KIR2DL1: variants seen among roughly 807,000 people sequenced by gnomAD.
The protein encoded by KIR2DL1 is killer cell immunoglobulin like receptor, two Ig domains and long cytoplasmic tail 1.
KIR2DL1 carries 38 observed loss-of-function variants against 33.9 expected under a neutral mutation model. The ratio of observed to expected loss-of-function variants is 1.12; its 90% CI spans 0.86 to 1.47. KIR2DL1 has a LOEUF of 1.47. Among genes scored for constraint, KIR2DL1 ranks in the 40% most tolerant of loss-of-function variants. KIR2DL1 has a pLI of 0.00. For missense variants in KIR2DL1, 531 were observed against 433.9 expected (o/e 1.22, Z -1.99); for synonymous variants, 179 against 165.9 (o/e 1.08, Z -0.61).
intron 5 of KIR2DL1, among the ~76,000 whole-genome samples, chr19:54,782,537 T>C (rs1208525714): frequency 6.6e-6 from 1 of 151,924 alleles, no homozygotes; most frequent in African/African-American, 2.4e-5. Flanking sequence ...CAAGCTCTTT[T>C]TAACAACCAG....
chr19:54,775,491 T>C lies in KIR2DL1; in HGVS notation c.664+33T>C, dbSNP rs1255810378. The C allele has an allele frequency of 2.8e-5, 43 of 1,561,148 alleles. 3 individuals are homozygous for C. The highest frequency in any genetic ancestry group is 3.6e-5 in the Non-Finnish European group (41 of 1,138,154). On this transcript the variant is annotated intron_variant, in intron 4 of 7. Transcript: ENST00000336077. The stretch of plus-strand genomic sequence containing the variant: ...AAGCCCATGGCTGTCCCATGTCCTA[T>C]GATCCTAGAGCCTTAGCTGAGGAGC...
chr19:54,777,972 T>C (rs2076537885), intron 4 of KIR2DL1, among the ~76,000 whole-genome samples: 1 of 148,502 alleles, frequency 6.7e-6, no homozygotes, highest in South Asian at 2.1e-4. Flanking sequence ...TCAAAGTCCA[T>C]TGGATGGGCT....
intron 4 of KIR2DL1, among the ~76,000 whole-genome samples, chr19:54,777,904 C>G (rs2076530847): frequency 1.4e-5 from 2 of 148,078 alleles, no homozygotes. Flanking sequence ...TCCAGGTTTC[C>G]CTGCACTGTT....
At chr19:54,782,388 T>A (rs2077078871) in intron 5 of KIR2DL1, among the ~76,000 whole-genome samples, 1 of 152,058 alleles carries the variant, frequency 6.6e-6, no homozygotes, top group Non-Finnish European at 1.5e-5. Context: ...ACTGGAAGCA[T>A]GGCACCAGCA....
chr19:54,782,733 C>T (rs1052089474), intron 5 of KIR2DL1, among the ~76,000 whole-genome samples, 189 bp from the exon 6 acceptor site: 9 of 151,850 alleles, frequency 5.9e-5, no homozygotes, highest in Non-Finnish European at 1.0e-4. Context: ...TAGTCGTATC[C>T]TCAGCACGTT....
At chr19:54,770,950 G>A in intron 2 of KIR2DL1, 66 bp downstream of exon 2, 4 of 1,556,876 alleles carry the variant, frequency 2.6e-6, no homozygotes, top group East Asian at 2.2e-5. Context: ...GAAATGGGAG[G>A]GAAGTCCTGT....
intron 2 of KIR2DL1, among the ~76,000 whole-genome samples, chr19:54,772,464 C>G (rs2075849783): frequency 6.9e-6 from 1 of 145,558 alleles, no homozygotes; most frequent in Admixed American, 7.0e-5. Flanking sequence ...TGTGCTCTCT[C>G]CTGGTGCCAT....
At chr19:54,778,521 G>A in intron 4 of KIR2DL1, 91 bp from the exon 5 acceptor site, 4 of 1,254,684 alleles carry the variant, frequency 3.2e-6, no homozygotes, top group Non-Finnish European at 4.5e-6. Flanking sequence ...TTAGATAAGA[G>A]AGTGTTGGCC....
intron 5 of KIR2DL1, among the ~76,000 whole-genome samples, chr19:54,780,670 G>GAC (rs1420095285): frequency 1.4e-5 from 2 of 143,022 alleles, no homozygotes; most frequent in African/African-American, 5.1e-5. Flanking sequence ...TGCTGATTTA[G>GAC]ACACTAAATG....
intron 2 of KIR2DL1, 65 bp downstream of exon 2, chr19:54,770,949 G>C: frequency 1.9e-6 from 3 of 1,557,006 alleles, no homozygotes; most frequent in Non-Finnish European, 1.8e-6. Flanking sequence ...TGAAATGGGA[G>C]GGAAGTCCTG....
At chr19:54,782,603 T>C (rs1019451763) in intron 5 of KIR2DL1, among the ~76,000 whole-genome samples, 3 of 152,002 alleles carry the variant, frequency 2.0e-5, no homozygotes, top group African/African-American at 7.2e-5. Flanking sequence ...TGGGACAGCA[T>C]TGATGTGTTC....
At chr19:54,782,219 C>A (rs1439781206) in intron 5 of KIR2DL1, among the ~76,000 whole-genome samples, 1 of 151,838 alleles carries the variant, frequency 6.6e-6, no homozygotes, top group Non-Finnish European at 1.5e-5. Flanking sequence ...ATGACGTCCT[C>A]CAGGAAGAAC....
intron 4 of KIR2DL1, among the ~76,000 whole-genome samples, chr19:54,776,118 C>T (rs1409596971): frequency 2.1e-5 from 3 of 144,756 alleles, no homozygotes; most frequent in Non-Finnish European, 4.6e-5. Context: ...TCTCGAACTC[C>T]TGACCACGTG....
rs2076642537 is a variant in KIR2DL1, at chr19:54,778,786, C to T, written c.715+124C>T. The T allele has an allele frequency of 4.3e-6, 5 of 1,170,282 alleles. No homozygotes were observed. The Admixed American group carries it at 7.2e-5, about 17-fold the overall frequency. The allele number at this position is 1,170,282 out of a possible 1,614,324, so 72.5% of individuals were successfully genotyped here. ...ACACTTGTCTTCCACCATCTCCGAACTCCAGATACTCCTACAGCGAAAGGG... is the reference window on the plus strand; with the variant it reads ...ACACTTGTCTTCCACCATCTCCGAATTCCAGATACTCCTACAGCGAAAGGG... On this transcript the variant is annotated intron_variant, in intron 5 of 7. Transcript: ENST00000336077.
Position 54,783,503 on chromosome 19 carries a change from C to G in KIR2DL1, c.835C>G (p.Gln279Glu). 1.2e-6 allele frequency: 2 copies of G among 1,613,526 alleles called. No homozygotes were observed. ...TTCTACAGATGCTGCGGTAATGGACCAAGAGTCTGCAGGAAACAGAACAGC... is the reference window on the plus strand; with the variant it reads ...TTCTACAGATGCTGCGGTAATGGACGAAGAGTCTGCAGGAAACAGAACAGC... ...SNKKNAAVMD[Q>E]ESAGNRTANS... Residue 279 changes from glutamine to glutamate, a missense_variant, in exon 7 of 8, where the codon CAA becomes GAA. Physicochemically the swap from Gln to Glu is conservative, Grantham distance 29. Coordinates refer to ENST00000336077, the MANE Select transcript of KIR2DL1 (RefSeq NM_014218.3).
At chr19:54,774,679 A>C (rs1472116890) in intron 3 of KIR2DL1, among the ~76,000 whole-genome samples, 1 of 147,904 alleles carries the variant, frequency 6.8e-6, no homozygotes, top group Non-Finnish European at 1.5e-5. Flanking sequence ...GAAATCATAG[A>C]GAGAGAGAGA....
intron 2 of KIR2DL1, among the ~76,000 whole-genome samples, chr19:54,771,568 G>A (rs1261814278): frequency 6.8e-6 from 1 of 147,288 alleles, no homozygotes; most frequent in Non-Finnish European, 1.5e-5. Context: ...GGGAGGGGCG[G>A]CTCCACATCC....
At chr19:54,771,786 G>A (rs1290195746) in intron 2 of KIR2DL1, among the ~76,000 whole-genome samples, 1 of 148,008 alleles carries the variant, frequency 6.8e-6, no homozygotes, top group East Asian at 1.9e-4. Context: ...CTTTTCATGG[G>A]CCCTGTGACC....
Position 54,775,548 on chromosome 19 carries a change from G to C in KIR2DL1, c.664+90G>C. 15 of 1,416,358 alleles carry C rather than the reference G, an allele frequency of 1.1e-5. 1 individual carries two copies. Among genetic ancestry groups the C allele is most frequent in the African/African-American group, 1.4e-5 (1 of 69,686 alleles). The allele number at this position is 1,416,358 out of a possible 1,614,324, so 87.7% of individuals were successfully genotyped here. A position where few individuals can be genotyped will look rare whatever the true frequency, so the allele number is the denominator to read the frequency against. The stretch of plus-strand genomic sequence containing the variant: ...CTGAGGATGGAGAGAAGCATGGACA[G>C]ATGCAGAGAGAAGACGCAGCCTCGG... On this transcript the variant is annotated intron_variant, in intron 4 of 7. Coordinates refer to ENST00000336077, the MANE Select transcript of KIR2DL1 (RefSeq NM_014218.3).
Sources: allele counts gnomAD v4.1 joint callset (sites outside exome capture counted in the v4.1 genomes callset), GRCh38; gene constraint gnomAD v4.1.1; transcripts MANE v1.5; gene names NCBI Gene and HGNC (gene_info 2026-07-23, HGNC 2026-07-21).